The following JMY variants were observed in gnomAD, a reference collection of about 807,000 sequenced individuals.
JMY encodes the protein junction-mediating and -regulatory protein.
In JMY, 46 loss-of-function variants were observed where a neutral mutation model predicts 103.3. The ratio of observed to expected loss-of-function variants is 0.45; its 90% CI spans 0.35 to 0.57. JMY has a LOEUF of 0.57. Among genes scored for constraint, JMY ranks in the 20% least tolerant of loss-of-function variants. JMY has a pLI of 0.00. For synonymous variants in JMY, 526 were observed against 489.3 expected (o/e 1.07, Z -0.99); for missense variants, 1,238 against 1,255.2 (o/e 0.99, Z 0.21).
chr5:79,280,443 G>A (rs1746073078), intron 2 of JMY, among the ~76,000 whole-genome samples: 1 of 152,192 alleles, frequency 6.6e-6, no homozygotes, highest in Admixed American at 6.6e-5. Flanking sequence ...TAGAATGTAG[G>A]TGAAGAGGAA....
chr5:79,278,170 T>TA (rs56785564), intron 2 of JMY, 87 bp downstream of exon 2: 21,915 of 650,788 alleles, frequency 0.034, 106 homozygotes, highest in East Asian at 0.067. Context: ...AGAGGAACTT[T>TA]AAAAAAAAAA....
At chr5:79,272,087 G>A (rs1020792450) in intron 1 of JMY, among the ~76,000 whole-genome samples, 3 of 149,996 alleles carry the variant, frequency 2.0e-5, no homozygotes, top group Non-Finnish European at 4.4e-5. Flanking sequence ...ACTCCAGCCT[G>A]TGTCATAGAG....
chr5:79,254,171 T>A (rs1745172032), intron 1 of JMY, among the ~76,000 whole-genome samples: 1 of 151,566 alleles, frequency 6.6e-6, no homozygotes, highest in Non-Finnish European at 1.5e-5. Context: ...GGAAGGCTTG[T>A]CTCAAACTCC....
In JMY at chr5:79,314,561, A is replaced by G. The variant is rs1413431679; in HGVS notation, c.2369A>G (p.Asn790Ser). Residue 790 changes from asparagine to serine, a missense_variant, in exon 9 of 11, where the codon AAT (asparagine) becomes AGT (serine). Asn to Ser is a conservative substitution (Grantham distance 46). Coordinates refer to ENST00000396137, the MANE Select transcript of JMY (RefSeq NM_152405.5). ...CCCACTATATCTCTTCCACTTTTGA[A>G]TAACAACCTCGAACCATGTTCTGTT... ...LPPTISLPLL[N>S]NNLEPCSVTI... is the part of the protein sequence containing the mutation. 1.5e-5 allele frequency: 24 copies of G among 1,614,032 alleles called. No homozygotes were observed. Among genetic ancestry groups the G allele is most frequent in the Non-Finnish European group, 2.0e-5 (24 of 1,180,020 alleles).
At chr5:79,287,850 G>A (rs2112095450) in intron 2 of JMY, among the ~76,000 whole-genome samples, 1 of 152,188 alleles carries the variant, frequency 6.6e-6, no homozygotes, top group South Asian at 2.1e-4. Flanking sequence ...TCTTTTCTTT[G>A]TATTGTTAAA....
intron 5 of JMY, 147 bp downstream of exon 5, chr5:79,300,465 T>C: frequency 1.2e-6 from 1 of 820,168 alleles, no homozygotes; most frequent in Non-Finnish European, 1.8e-6. Context: ...CTAGCATTTA[T>C]TGAGCACTTA....
chr5:79,268,057 AAC>A (rs1263166833), intron 1 of JMY, among the ~76,000 whole-genome samples: 1 of 152,224 alleles, frequency 6.6e-6, no homozygotes, highest in Non-Finnish European at 1.5e-5. Context: ...GAGCCTGAGC[AAC>A]ACAGTGAGAC....
intron 1 of JMY, among the ~76,000 whole-genome samples, chr5:79,249,467 A>G (rs1219683103): frequency 1.3e-5 from 2 of 152,238 alleles, no homozygotes; most frequent in Non-Finnish European, 2.9e-5. Flanking sequence ...TTATCAAGTC[A>G]CTGGCTCCCT....
Position 79,322,931 on chromosome 5 carries a change from G to C in JMY, c.*1329G>C, listed in dbSNP as rs1747505652. On this transcript the variant is annotated 3_prime_UTR_variant, in exon 11 of 11. Coordinates refer to ENST00000396137, the MANE Select transcript of JMY (RefSeq NM_152405.5). ...GGCCTAAACCCAGAAAGCAGTACTG[G>C]AGCAAAAGCCCAGTGTATATGAATT... The C allele has an allele frequency of 2.0e-5, 3 of 152,232 alleles. No individual in the cohort carries two copies. Among genetic ancestry groups the C allele is most frequent in the Admixed American group, 6.5e-5 (1 of 15,298 alleles). The allele number at this position is 152,232 out of a possible 1,614,324, so 9.4% of individuals were successfully genotyped here. A position where few individuals can be genotyped will look rare whatever the true frequency, so the allele number is the denominator to read the frequency against.
rs540850066 is a variant in JMY, at chr5:79,286,176, C to T, written c.1207-3945C>T. 3.9e-5 allele frequency among the ~76,000 whole-genome samples: 6 copies of T among 152,108 alleles called. No homozygotes were observed. The South Asian group carries it at 6.2e-4, about 16-fold the overall frequency. On this transcript the variant is annotated intron_variant, in intron 2 of 10. Transcript: ENST00000396137. Reference sequence around the variant, plus strand: ...CGAGTTGGCTGCAACATTAAAGCTACGAAACTTCAAAAATCAGTTAAAAGA... The same window carrying T: ...CGAGTTGGCTGCAACATTAAAGCTATGAAACTTCAAAAATCAGTTAAAAGA...
intron 1 of JMY, among the ~76,000 whole-genome samples, chr5:79,248,181 G>A (rs980581790): frequency 2.0e-5 from 3 of 151,918 alleles, no homozygotes; most frequent in Admixed American, 6.6e-5. Flanking sequence ...GTGAGCCACC[G>A]CATCTGGCCT....
At chr5:79,251,624 TA>T (rs1156967876) in intron 1 of JMY, among the ~76,000 whole-genome samples, 7 of 151,464 alleles carry the variant, frequency 4.6e-5, no homozygotes, top group Admixed American at 4.6e-4. Context: ...TCATTCATTC[TA>T]TTTTTTTTTT....
In JMY at chr5:79,271,754, A is replaced by G. The variant is rs78318458; in HGVS notation, c.1033-6156A>G. Among the ~76,000 whole-genome samples the G allele has an allele frequency of 5.5e-3, 834 of 152,302 alleles. 11 individuals carry two copies. The highest frequency in any genetic ancestry group is 0.02 in the African/African-American group (817 of 41,560). ...ACTTAATGTACTTTGAAGTTCCATT[A>G]TTAGGTATGTACACATATGATTGTT... On this transcript the variant is annotated intron_variant, in intron 1 of 10. Coordinates refer to ENST00000396137, the MANE Select transcript of JMY (RefSeq NM_152405.5).
intron 2 of JMY, among the ~76,000 whole-genome samples, 180 bp downstream of exon 2, chr5:79,278,263 G>T (rs1050944965): frequency 2.7e-4 from 41 of 151,954 alleles, no homozygotes; most frequent in African/African-American, 9.9e-4. Context: ...CCATTCTAAA[G>T]CACCTCAAAA....
At chr5:79,265,742 C>T (rs1745567272) in intron 1 of JMY, among the ~76,000 whole-genome samples, 1 of 151,886 alleles carries the variant, frequency 6.6e-6, no homozygotes. Flanking sequence ...ACGGCCTCAC[C>T]CACTGTTTCC....
chr5:79,261,473 C>CT (rs1745420138), intron 1 of JMY, among the ~76,000 whole-genome samples: 1 of 152,100 alleles, frequency 6.6e-6, no homozygotes, highest in Non-Finnish European at 1.5e-5. Context: ...AGGAAGATCA[C>CT]TTAAGCCCTG....
intron 8 of JMY, among the ~76,000 whole-genome samples, chr5:79,313,179 G>A (rs940737097): frequency 3.9e-5 from 6 of 152,304 alleles, no homozygotes; most frequent in Admixed American, 3.9e-4. Flanking sequence ...TGTAATCCCA[G>A]CACTTTATGA....
At chr5:79,302,719 G>GC (rs1746774951) in intron 6 of JMY, among the ~76,000 whole-genome samples, 1 of 152,194 alleles carries the variant, frequency 6.6e-6, no homozygotes, top group Admixed American at 6.5e-5. Context: ...TATAAGTTAA[G>GC]CAAAGGGGTA....
chr5:79,317,575 C>A (rs760091415), intron 10 of JMY, among the ~76,000 whole-genome samples: 1 of 152,114 alleles, frequency 6.6e-6, no homozygotes, highest in African/African-American at 2.4e-5. Context: ...ATTATTCTTT[C>A]TTGATGGAAT....
Sources: allele counts gnomAD v4.1 joint callset (sites outside exome capture counted in the v4.1 genomes callset), GRCh38; gene constraint gnomAD v4.1.1; transcripts MANE v1.5; gene names NCBI Gene and HGNC (gene_info 2026-07-23, HGNC 2026-07-21).